The following FAM161B variants were observed in gnomAD, a reference collection of about 807,000 sequenced individuals.
FAM161B encodes FAM161 centrosomal protein B.
A neutral mutation model predicts 61.5 loss-of-function variants in FAM161B; 46 were observed. The ratio of observed to expected loss-of-function variants is 0.75; its 90% CI spans 0.59 to 0.96. The LOEUF (loss-of-function observed/expected upper bound fraction) is 0.96, where lower values mean the gene tolerates loss of function less well. Ranked by LOEUF, FAM161B falls within the 40% of genes least tolerant of loss-of-function variation. The pLI is 0.00. For missense variants in FAM161B, 774 were observed against 800.7 expected (o/e 0.97, Z 0.40); for synonymous variants, 284 against 302.7 (o/e 0.94, Z 0.64).
chr14:73,937,251 T>A (rs1594775445), intron 7 of FAM161B, among the ~76,000 whole-genome samples: 1 of 152,078 alleles, frequency 6.6e-6, no homozygotes, highest in African/African-American at 2.4e-5. Context: ...AGAGGAGAGA[T>A]ACCTTTCCAG....
intron 5 of FAM161B, 138 bp downstream of exon 5, chr14:73,940,788 G>T: frequency 8.0e-7 from 1 of 1,252,482 alleles, no homozygotes; most frequent in Non-Finnish European, 1.1e-6. Flanking sequence ...AACCGCAATT[G>T]TTCCAGTCCT....
In FAM161B at chr14:73,949,922, G is replaced by A. The variant is rs146467805; in HGVS notation, c.54+51C>T. 9,971 of 1,607,614 alleles carry A rather than the reference G, an allele frequency of 6.2e-3. 89 individuals carry two copies. The highest frequency in any genetic ancestry group is 0.03 in the South Asian group (2,681 of 90,788). On this transcript the variant is annotated intron_variant, in intron 1 of 8. Transcript: ENST00000286544. ...TCTGTCTCCAAGGCAACGCCCAACAGTTTCCTCTCCGGGATTCCTTTCCCG... is the reference window on the plus strand; with the variant it reads ...TCTGTCTCCAAGGCAACGCCCAACAATTTCCTCTCCGGGATTCCTTTCCCG...
chr14:73,924,311 G>A, the FAM161B span, among the ~76,000 whole-genome samples: 1 of 152,162 alleles, frequency 6.6e-6, no homozygotes, highest in Admixed American at 6.5e-5. Flanking sequence ...AGGAGAGGTG[G>A]AGCTCAGGTG....
At chr14:73,928,336 C>CTT (rs2140333176), downstream of FAM161B, among the ~76,000 whole-genome samples, 1 of 152,102 alleles carries the variant, frequency 6.6e-6, no homozygotes, top group Non-Finnish European at 1.5e-5. Context: ...CTCTGTGGAA[C>CTT]TGTAAATAGG....
In FAM161B at chr14:73,933,931, C is replaced by T. The variant is rs568119621; in HGVS notation, c.*325G>A. ...CTGCCTCTTGGGTTCAAGTGATTCT[C>T]CTGCCTCAGCTTCCCAAGTAGCTAG... On this transcript the variant is annotated 3_prime_UTR_variant, in exon 9 of 9. Transcript: ENST00000286544. 9.5e-5 allele frequency: 20 copies of T among 210,190 alleles called. No individual in the cohort carries two copies. Among genetic ancestry groups the T allele is most frequent in the Non-Finnish European group, 1.5e-4 (16 of 104,958 alleles). 13.0% of individuals were successfully genotyped at this position (210,190 alleles called of 1,614,324 possible). A position where few individuals can be genotyped will look rare whatever the true frequency, so the allele number is the denominator to read the frequency against.
intron 1 of FAM161B, 121 bp from the exon 2 acceptor site, chr14:73,946,726 G>C: frequency 1.0e-6 from 1 of 985,680 alleles, no homozygotes; most frequent in Non-Finnish European, 1.5e-6. Flanking sequence ...TTTGGGGTCT[G>C]CCAGATGCAC....
the FAM161B span, chr14:73,923,637 A>G: frequency 5.3e-5 from 73 of 1,378,394 alleles, no homozygotes; most frequent in African/African-American, 9.3e-4. Flanking sequence ...TGGCACGAAT[A>G]TTTTCCTTTA....
chr14:73,938,688 C>T (rs1021208198), intron 5 of FAM161B, among the ~76,000 whole-genome samples: 7 of 151,872 alleles, frequency 4.6e-5, no homozygotes, highest in South Asian at 4.1e-4. Flanking sequence ...AGGAGAATGG[C>T]ATGAACCTGG....
chr14:73,931,794 C>T, downstream of FAM161B: 1 of 501,176 alleles, frequency 2.0e-6, no homozygotes, highest in Non-Finnish European at 3.7e-6. Flanking sequence ...CTTCCCACTG[C>T]AAATTTCTGG....
At chr14:73,938,785 A>T (rs1042514095) in intron 5 of FAM161B, among the ~76,000 whole-genome samples, 1 of 152,114 alleles carries the variant, frequency 6.6e-6, no homozygotes, top group Non-Finnish European at 1.5e-5. Context: ...AAATAATAAT[A>T]AATAAATAAA....
chr14:73,932,201 T>G, downstream of FAM161B: 1 of 337,970 alleles, frequency 3.0e-6, no homozygotes, highest in South Asian at 2.4e-5. Context: ...GGATTTCATG[T>G]TTTTGTTTTT....
At position 73,933,120 on chromosome 14, in the gene FAM161B, A is replaced by G. The variant is rs1314300435; in HGVS notation, c.*1136T>C. The G allele has an allele frequency of 6.6e-6, 1 of 152,630 alleles. No individual in the cohort carries two copies. 9.5% of individuals were successfully genotyped at this position (152,630 alleles called of 1,614,324 possible). Reference sequence around the variant, plus strand: ...ATTTGTTAATGACATGCATAATCACATAGTACATAGACTGTGTTCATGGCA... The same window carrying G: ...ATTTGTTAATGACATGCATAATCACGTAGTACATAGACTGTGTTCATGGCA... On this transcript the variant is annotated 3_prime_UTR_variant, in exon 9 of 9. Transcript: ENST00000286544.
rs2055986092 is a variant in FAM161B, at chr14:73,938,091, GTTCT to G, written c.1418_1421del (p.Lys473ThrfsTer24). On this transcript the variant is annotated frameshift_variant, in exon 6 of 9. Coordinates refer to ENST00000286544, the MANE Select transcript of FAM161B (RefSeq NM_152445.3). LOFTEE classifies it high-confidence loss of function. ...GCCACTGAATACTCTCATCTGCTTT[GTTCT>G]TTTTTTCAAGTGCACTTCTAAAGGA... The G allele has an allele frequency of 6.2e-7, 1 of 1,613,918 alleles. No homozygotes were observed. The highest frequency in any genetic ancestry group is 8.5e-7 in the Non-Finnish European group (1 of 1,179,946).
At chr14:73,934,509 G>T in intron 8 of FAM161B, 115 bp from the exon 9 acceptor site, 2 of 987,454 alleles carry the variant, frequency 2.0e-6, no homozygotes, top group Non-Finnish European at 1.4e-6. Flanking sequence ...AGCCTGGACA[G>T]CCCAGCTGAA....
the FAM161B span, among the ~76,000 whole-genome samples, chr14:73,925,150 T>C: frequency 0.49 from 74,252 of 151,804 alleles, 18,352 homozygotes; most frequent in South Asian, 0.61. Flanking sequence ...TTTTTATTGT[T>C]GTGACCCATT....
intron 2 of FAM161B, among the ~76,000 whole-genome samples, chr14:73,945,615 G>T (rs1214365427): frequency 6.6e-6 from 1 of 152,036 alleles, no homozygotes; most frequent in Non-Finnish European, 1.5e-5. Flanking sequence ...ATTTTTAGTA[G>T]AGACGGGGTT....
rs1340921124 is a variant in FAM161B, at chr14:73,940,796, C to T, written c.1400+130G>A. ...TGTGGAGAACCGCAATTGTTCCAGT[C>T]CTGATCAGAAAATTCCCTTTGACCC... On this transcript the variant is annotated intron_variant, in intron 5 of 8. Coordinates refer to ENST00000286544, the MANE Select transcript of FAM161B (RefSeq NM_152445.3). 2.2e-6 allele frequency: 3 copies of T among 1,333,852 alleles called. No homozygotes were observed. In the South Asian group the frequency reaches 4.4e-5, roughly 20 times the overall value. The allele number at this position is 1,333,852 out of a possible 1,614,324, so 82.6% of individuals were successfully genotyped here.
At chr14:73,929,586 T>TA (rs1346462878), downstream of FAM161B, among the ~76,000 whole-genome samples, 7 of 152,194 alleles carry the variant, frequency 4.6e-5, no homozygotes, top group East Asian at 1.4e-3. Flanking sequence ...GTGCGGTGGC[T>TA]AGCACTTTGG....
chr14:73,932,192 G>T (rs1001147473), downstream of FAM161B: 2 of 338,954 alleles, frequency 5.9e-6, no homozygotes, highest in Admixed American at 4.4e-5. Context: ...TGTTAAGAGG[G>T]ATTTCATGTT....
Sources: gnomAD v4.1 joint callset for allele counts (sites outside exome capture counted in the v4.1 genomes callset) on GRCh38, gnomAD v4.1.1 for gene constraint, MANE v1.5 for transcripts, NCBI Gene and HGNC (gene_info 2026-07-23, HGNC 2026-07-21) for gene names.